Variants in CSMD1 observed in about 807,000 individuals in gnomAD.
The protein encoded by CSMD1 is CUB and Sushi multiple domains 1.
CSMD1 carries 213 observed loss-of-function variants against 417.5 expected under a neutral mutation model. The observed-to-expected ratio is 0.51, with a 90% CI of 0.46 to 0.57. The LOEUF is 0.57. Among genes scored for constraint, CSMD1 ranks in the 20% least tolerant of loss-of-function variants. CSMD1 has a pLI of 0.00. For synonymous variants in CSMD1, 2,862 were observed against 1,736.8 expected (o/e 1.65, Z -16.11); for missense variants, 6,923 against 4,529.7 (o/e 1.53, Z -15.17).
At chr8:4,656,820 C>A (rs1317206497) in intron 1 of CSMD1, among the ~76,000 whole-genome samples, 1 of 151,914 alleles carries the variant, frequency 6.6e-6, no homozygotes, top group Admixed American at 6.6e-5. Context: ...AAAGGAGAAC[C>A]CTTCCCCAGA....
intron 29 of CSMD1, among the ~76,000 whole-genome samples, chr8:3,216,599 T>A (rs1179711930): frequency 6.6e-6 from 1 of 152,240 alleles, no homozygotes; most frequent in Non-Finnish European, 1.5e-5. Context: ...GGACTGCATC[T>A]AATCTTTTAG....
chr8:3,157,324 C>T (rs775614127), intron 39 of CSMD1, among the ~76,000 whole-genome samples: 1 of 152,158 alleles, frequency 6.6e-6, no homozygotes, highest in African/African-American at 2.4e-5. Context: ...TCATTAAACT[C>T]CCATCACATT....
At chr8:3,993,656 A>G (rs1353060951) in intron 5 of CSMD1, among the ~76,000 whole-genome samples, 1 of 152,208 alleles carries the variant, frequency 6.6e-6, no homozygotes, top group East Asian at 1.9e-4. Context: ...CTGGTTCATG[A>G]AAAATAGAGC....
At chr8:4,450,570 G>A (rs931811507) in intron 2 of CSMD1, among the ~76,000 whole-genome samples, 7 of 152,228 alleles carry the variant, frequency 4.6e-5, no homozygotes, top group African/African-American at 1.7e-4. Context: ...GGGAGGCAGA[G>A]GTTGCAGCCC....
chr8:4,735,497 C>T (rs1319838580), intron 1 of CSMD1, among the ~76,000 whole-genome samples: 2 of 152,142 alleles, frequency 1.3e-5, no homozygotes, highest in Non-Finnish European at 2.9e-5. Context: ...CTTTATGCAA[C>T]ATTTTAATGC....
chr8:3,614,218 T>C (rs1223870467), intron 8 of CSMD1, among the ~76,000 whole-genome samples: 1 of 152,082 alleles, frequency 6.6e-6, no homozygotes, highest in African/African-American at 2.4e-5. Flanking sequence ...ATAAACAACA[T>C]AGTGATTTCC....
chr8:4,420,645 G>A (rs145182005), intron 2 of CSMD1, among the ~76,000 whole-genome samples: 1 of 152,132 alleles, frequency 6.6e-6, no homozygotes, highest in Non-Finnish European at 1.5e-5. Context: ...GAAACAATCT[G>A]TGTTTCAGTT....
intron 3 of CSMD1, among the ~76,000 whole-genome samples, chr8:4,390,505 A>T (rs955796567): frequency 6.9e-6 from 1 of 144,206 alleles, no homozygotes; most frequent in Non-Finnish European, 1.5e-5. Context: ...ATTTTTATTT[A>T]TTTATTTATT....
chr8:3,438,040 C>T (rs993003148), intron 12 of CSMD1, among the ~76,000 whole-genome samples: 1 of 152,094 alleles, frequency 6.6e-6, no homozygotes, highest in African/African-American at 2.4e-5. Flanking sequence ...GGTTTTTGTA[C>T]AAATAAGAAT....
chr8:4,032,942 A>G (rs1269708673), intron 3 of CSMD1, among the ~76,000 whole-genome samples: 1 of 152,038 alleles, frequency 6.6e-6, no homozygotes, highest in Non-Finnish European at 1.5e-5. Context: ...GGAATTACTG[A>G]TAGAACAGGC....
rs1046357850 is a variant in CSMD1 at position 3,629,737 on chromosome 8, A to G, written c.1010-12940T>C. Among the ~76,000 whole-genome samples the G allele has an allele frequency of 4.8e-5, 7 of 145,600 alleles. 2 individuals carry two copies. The South Asian group carries it at 1.3e-3, about 27-fold the overall frequency. On this transcript the variant is annotated intron_variant, in intron 7 of 69. Transcript: ENST00000635120. The stretch of plus-strand genomic sequence containing the variant: ...AGAAAGAATAAAGGTAAAACACTAT[A>G]TGCCAAAAGAAACACACACCTTTCA...
intron 37 of CSMD1, among the ~76,000 whole-genome samples, chr8:3,169,508 G>C (rs894554587): frequency 3.3e-5 from 5 of 151,944 alleles, no homozygotes; most frequent in African/African-American, 9.7e-5. Context: ...TGGTTGCCTA[G>C]GGCTAGGAGT....
At chr8:3,760,075 G>A (rs13278570) in intron 5 of CSMD1, among the ~76,000 whole-genome samples, 56,922 of 151,758 alleles carry the variant, frequency 0.38, 10,916 homozygotes, top group Non-Finnish European at 0.41. Flanking sequence ...GGATATTGGT[G>A]CTTAAAAAAC....
intron 1 of CSMD1, among the ~76,000 whole-genome samples, chr8:4,838,223 G>A (rs1202905555): frequency 6.6e-6 from 1 of 152,182 alleles, no homozygotes; most frequent in Admixed American, 6.5e-5. Context: ...GATCTCCTTA[G>A]GGTTTCGTTC....
chr8:4,142,484 A>T (rs1318925094), intron 3 of CSMD1, among the ~76,000 whole-genome samples: 2 of 151,336 alleles, frequency 1.3e-5, no homozygotes, highest in African/African-American at 2.5e-5. Context: ...TATTTGCTAA[A>T]TTCACAAGCT....
At chr8:4,915,103 G>A (rs1193775623) in intron 1 of CSMD1, among the ~76,000 whole-genome samples, 3 of 152,164 alleles carry the variant, frequency 2.0e-5, no homozygotes, top group Non-Finnish European at 2.9e-5. Context: ...GTCAGGCCGA[G>A]TCAAGTGTTA....
intron 18 of CSMD1, among the ~76,000 whole-genome samples, chr8:3,384,147 G>T (rs1490706129): frequency 1.3e-5 from 2 of 152,054 alleles, no homozygotes; most frequent in Admixed American, 6.6e-5. Context: ...TTTACTCTGG[G>T]AAATGCATTG....
chr8:3,454,878 G>T (rs1816003876), intron 12 of CSMD1, among the ~76,000 whole-genome samples: 2 of 152,212 alleles, frequency 1.3e-5, no homozygotes, highest in African/African-American at 4.8e-5. Flanking sequence ...GATTGGGGAA[G>T]TTCTCCTGGA....
At chr8:4,249,746 A>G (rs1802939251) in intron 3 of CSMD1, among the ~76,000 whole-genome samples, 1 of 152,134 alleles carries the variant, frequency 6.6e-6, no homozygotes, top group African/African-American at 2.4e-5. Flanking sequence ...ACTGGAGAAC[A>G]AAGTCTATTA....
Sources: gnomAD v4.1 joint callset for allele counts (sites outside exome capture counted in the v4.1 genomes callset) on GRCh38, gnomAD v4.1.1 for gene constraint, MANE v1.5 for transcripts, NCBI Gene and HGNC (gene_info 2026-07-23, HGNC 2026-07-21) for gene names.